IL18R1: variants seen among roughly 807,000 people sequenced by gnomAD.
IL18R1 encodes interleukin 18 receptor 1.
A neutral mutation model predicts 48.5 loss-of-function variants in IL18R1; 40 were observed. The observed-to-expected ratio is 0.82, with a 90% CI of 0.64 to 1.07. The LOEUF is 1.07. Ranked by LOEUF, IL18R1 falls within the 50% of genes least tolerant of loss-of-function variation. IL18R1 has a pLI of 0.00. For synonymous variants in IL18R1, 232 were observed against 225.9 expected, an observed-to-expected ratio of 1.03 and a Z score of -0.24; for missense variants, 596 against 633.7, an observed-to-expected ratio of 0.94 and a Z score of 0.64.
intron 3 of IL18R1, among the ~76,000 whole-genome samples, chr2:102,371,603 T>A (rs924744929): frequency 6.6e-6 from 1 of 152,124 alleles, no homozygotes; most frequent in Non-Finnish European, 1.5e-5. Context: ...GGGCCAAGAC[T>A]CTCTGAACTT....
intron 7 of IL18R1, 151 bp from the exon 8 acceptor site, chr2:102,386,710 T>C (rs1680250739): frequency 1.3e-6 from 1 of 765,048 alleles, no homozygotes; most frequent in Middle Eastern, 3.7e-4. Flanking sequence ...AGGGGACGTT[T>C]ATTGTAGTCC....
chr2:102,391,929 A>G (rs1384405427), intron 9 of IL18R1, among the ~76,000 whole-genome samples: 2 of 152,164 alleles, frequency 1.3e-5, no homozygotes, highest in Non-Finnish European at 2.9e-5. Flanking sequence ...ATTTATTTCT[A>G]GGAGCTATTT....
At chr2:102,383,124 A>G (rs1198704005) in intron 6 of IL18R1, among the ~76,000 whole-genome samples, 1 of 152,150 alleles carries the variant, frequency 6.6e-6, no homozygotes, top group African/African-American at 2.4e-5. Context: ...ATTCATGTCC[A>G]GTTTAGATTC....
rs563348432 is a variant in IL18R1, at chr2:102,397,063, G to A, written c.*177G>A. The A allele has an allele frequency of 8.2e-5, 44 of 538,220 alleles. No homozygotes were observed. Among genetic ancestry groups the A allele is most frequent in the African/African-American group, 2.3e-4 (12 of 51,866 alleles). The allele number at this position is 538,220 out of a possible 1,614,324, so 33.3% of individuals were successfully genotyped here. On this transcript the variant is annotated 3_prime_UTR_variant, in exon 11 of 11. Transcript: ENST00000233957. The stretch of plus-strand genomic sequence containing the variant: ...GGAATGAGACTAAAGATTGCGCTGT[G>A]GGCTGTGGTCACGTGCTCCCAGAAG...
chr2:102,395,822 C>T (rs1283334103), intron 10 of IL18R1, among the ~76,000 whole-genome samples: 1 of 152,190 alleles, frequency 6.6e-6, no homozygotes, highest in Non-Finnish European at 1.5e-5. Flanking sequence ...TGGCAGTTTA[C>T]CAGCCACGGG....
At position 102,386,908 on chromosome 2, in the gene IL18R1, A is replaced by G. The variant is rs1336819595; in HGVS notation, c.857A>G (p.Asn286Ser). 3 of 1,614,196 alleles carry G rather than the reference A, an allele frequency of 1.9e-6. No homozygotes were observed. The highest frequency in any genetic ancestry group is 1.6e-4 in the Middle Eastern group (1 of 6,062). ...GCTTCAAAAGTATTGAGAATTGAAA[A>G]TATTGGTGAAAGCAATCTAAATGTT... ...WHASKVLRIE[N>S]IGESNLNVLY... The change falls in exon 8 of 11, where the codon AAT becomes AGT. Residue 286 changes from asparagine to serine, a missense_variant. Physicochemically the swap from Asn to Ser is conservative, Grantham distance 46. Transcript: ENST00000233957.
intron 4 of IL18R1, among the ~76,000 whole-genome samples, chr2:102,375,523 T>G (rs1292103196): frequency 6.6e-6 from 1 of 152,138 alleles, no homozygotes; most frequent in Non-Finnish European, 1.5e-5. Context: ...GGACTGAACA[T>G]GTATGAAATA....
intron 2 of IL18R1, among the ~76,000 whole-genome samples, chr2:102,364,630 T>C (rs1011515981): frequency 5.9e-5 from 9 of 152,170 alleles, no homozygotes; most frequent in African/African-American, 1.7e-4. Context: ...TCCTTAACTC[T>C]TGTGTTTTGT....
At position 102,356,231 on chromosome 2, in the gene IL18R1, C is replaced by G. The variant is rs942242564; in HGVS notation, c.-198C>G. 7 of 328,842 alleles carry G rather than the reference C, an allele frequency of 2.1e-5. No individual in the cohort carries two copies. Among genetic ancestry groups the G allele is most frequent in the African/African-American group, 4.7e-5 (2 of 42,380 alleles). The allele number at this position is 328,842 out of a possible 1,614,324, so 20.4% of individuals were successfully genotyped here. A position where few individuals can be genotyped will look rare whatever the true frequency, so the allele number is the denominator to read the frequency against. The stretch of plus-strand genomic sequence containing the variant: ...TCTTTTTTTTTTTTTTTGTAGCCCT[C>G]TCTGGGTGCCTTATCTCTTTAATCA... On this transcript the variant is annotated 5_prime_UTR_variant, in exon 1 of 11. Transcript: ENST00000233957.
chr2:102,381,512 A>G, intron 5 of IL18R1, 108 bp from the exon 6 acceptor site: 1 of 794,500 alleles, frequency 1.3e-6, no homozygotes, highest in Non-Finnish European at 2.2e-6. Flanking sequence ...GTAAACCAGT[A>G]ACTATTGGAA....
At chr2:102,393,830 A>G (rs1262035547) in intron 9 of IL18R1, among the ~76,000 whole-genome samples, 3 of 152,154 alleles carry the variant, frequency 2.0e-5, no homozygotes, top group African/African-American at 4.8e-5. Context: ...AAGCATGTCC[A>G]TCGGGATCAC....
At chr2:102,367,060 G>T (rs911729435) in intron 2 of IL18R1, among the ~76,000 whole-genome samples, 19 of 152,186 alleles carry the variant, frequency 1.2e-4, no homozygotes, top group Admixed American at 1.2e-3. Flanking sequence ...GGTAGATTAT[G>T]AGAAAGACCC....
intron 9 of IL18R1, among the ~76,000 whole-genome samples, chr2:102,392,736 A>G (rs868240424): frequency 1.3e-5 from 2 of 152,330 alleles, no homozygotes; most frequent in African/African-American, 4.8e-5. Flanking sequence ...CACCAAGCAT[A>G]GTTTGAGGAA....
chr2:102,394,595 G>T lies in IL18R1; in HGVS notation c.1238G>T (p.Cys413Phe), dbSNP rs1452209257. Reference sequence around the variant, plus strand: ...GAGAAACATTTTGGGTATAAGTTATGCATATTTGAAAGGGATGTAGTGCCT... The same window carrying T: ...GAGAAACATTTTGGGTATAAGTTATTCATATTTGAAAGGGATGTAGTGCCT... ...VLEKHFGYKLCIFERDVVPGG... is the reference protein window; with the variant it reads ...VLEKHFGYKLFIFERDVVPGG... Residue 413 changes from cysteine (C) to phenylalanine (F), a missense_variant, in exon 10 of 11, where the codon TGC becomes TTC. Coordinates refer to ENST00000233957, the MANE Select transcript of IL18R1 (RefSeq NM_003855.5). 7 of 1,612,432 alleles carry T rather than the reference G, an allele frequency of 4.3e-6. No homozygotes were observed. The highest frequency in any genetic ancestry group is 5.9e-6 in the Non-Finnish European group (7 of 1,178,818).
intron 3 of IL18R1, among the ~76,000 whole-genome samples, chr2:102,368,995 GT>G (rs1319735657): frequency 6.6e-6 from 1 of 152,060 alleles, no homozygotes; most frequent in African/African-American, 2.4e-5. Flanking sequence ...ATTTTTGTTT[GT>G]TTTTATACAT....
chr2:102,364,817 A>T (rs182945683), intron 2 of IL18R1, among the ~76,000 whole-genome samples: 17 of 152,284 alleles, frequency 1.1e-4, no homozygotes, highest in Admixed American at 2.6e-4. Context: ...GGAAGAAAAC[A>T]TATCCTTCTT....
chr2:102,380,089 A>C (rs996120619), intron 5 of IL18R1, among the ~76,000 whole-genome samples: 3 of 152,096 alleles, frequency 2.0e-5, no homozygotes. Context: ...GCTCTGGCTG[A>C]TCGGGTGGCG....
chr2:102,383,419 T>C (rs913824841), intron 6 of IL18R1, among the ~76,000 whole-genome samples: 2 of 152,252 alleles, frequency 1.3e-5, no homozygotes, highest in African/African-American at 4.8e-5. Context: ...AATGTGTCTC[T>C]ATCTCCTTTA....
intron 8 of IL18R1, among the ~76,000 whole-genome samples, 183 bp downstream of exon 8, chr2:102,387,183 A>G (rs1680283020): frequency 6.6e-6 from 1 of 152,156 alleles, no homozygotes; most frequent in African/African-American, 2.4e-5. Flanking sequence ...CAGAGAATGA[A>G]AACAGAACTC....
Sources: allele counts gnomAD v4.1 joint callset (sites outside exome capture counted in the v4.1 genomes callset), GRCh38; gene constraint gnomAD v4.1.1; transcripts MANE v1.5; gene names NCBI Gene and HGNC (gene_info 2026-07-23, HGNC 2026-07-21).